EXOC6B: variants seen among roughly 807,000 people sequenced by gnomAD.
The protein encoded by EXOC6B is exocyst complex component 6B, also known as SEC15 homolog B.
Under a neutral mutation model 113.5 loss-of-function variants are expected in EXOC6B, and 54 were observed. The observed-to-expected ratio is 0.48, with a 90% CI of 0.38 to 0.60. The LOEUF (loss-of-function observed/expected upper bound fraction) is 0.60, where lower values mean the gene tolerates loss of function less well. Ranked by LOEUF, EXOC6B falls within the 20% of genes least tolerant of loss-of-function variation. The pLI, the probability that EXOC6B is intolerant of heterozygous loss-of-function variation, is 0.00. For missense variants in EXOC6B, 797 were observed against 977.5 expected (o/e 0.82, Z 2.46); for synonymous variants, 357 against 339.0 (o/e 1.05, Z -0.58).
chr2:72,390,609 T>C (rs1230799326), intron 18 of EXOC6B, among the ~76,000 whole-genome samples: 1 of 152,204 alleles, frequency 6.6e-6, no homozygotes, highest in African/African-American at 2.4e-5. Flanking sequence ...AGTTTACTGG[T>C]ATGCACTTTT....
At chr2:72,312,556 G>A (rs1171746038) in intron 20 of EXOC6B, among the ~76,000 whole-genome samples, 1 of 151,962 alleles carries the variant, frequency 6.6e-6, no homozygotes, top group African/African-American at 2.4e-5. Flanking sequence ...TATTGCTAGT[G>A]AGGATGATTA....
At chr2:72,408,173 T>C (rs186884736) in intron 18 of EXOC6B, among the ~76,000 whole-genome samples, 237 of 152,224 alleles carry the variant, frequency 1.6e-3, no homozygotes, top group African/African-American at 5.0e-3. Flanking sequence ...GTGAAGGACC[T>C]CTTCAAGGAG....
chr2:72,257,827 G>A (rs1683444016), intron 20 of EXOC6B, among the ~76,000 whole-genome samples: 1 of 152,170 alleles, frequency 6.6e-6, no homozygotes, highest in Admixed American at 6.5e-5. Context: ...GTACGAGGTT[G>A]ATGGGAGGGG....
intron 20 of EXOC6B, among the ~76,000 whole-genome samples, chr2:72,324,082 GCC>G (rs777065936): frequency 1.3e-5 from 2 of 151,646 alleles, no homozygotes; most frequent in Non-Finnish European, 2.9e-5. Flanking sequence ...ACCAGAAAGA[GCC>G]CCACAAAATA....
At chr2:72,658,286 TAAAAAAAAAAAAAAAAA>T (rs60572283) in intron 6 of EXOC6B, among the ~76,000 whole-genome samples, 1 of 58,726 alleles carries the variant, frequency 1.7e-5, no homozygotes, top group Non-Finnish European at 3.1e-5. Flanking sequence ...TAAAAACTAG[TAAAAAAAAAAAAAAAAA>T]AAAAAAAAGG....
At chr2:72,532,623 C>G (rs1702067069) in intron 8 of EXOC6B, among the ~76,000 whole-genome samples, 1 of 152,076 alleles carries the variant, frequency 6.6e-6, no homozygotes, top group Non-Finnish European at 1.5e-5. Flanking sequence ...GCCTGACCAA[C>G]ATGGGGAAAC....
intron 18 of EXOC6B, among the ~76,000 whole-genome samples, chr2:72,431,570 G>C (rs1480766015): frequency 6.6e-6 from 1 of 151,230 alleles, no homozygotes; most frequent in African/African-American, 2.4e-5. Context: ...GCCCAGACTG[G>C]TGTGGAATGC....
At chr2:72,543,681 T>C (rs1252479989) in intron 8 of EXOC6B, among the ~76,000 whole-genome samples, 1 of 152,204 alleles carries the variant, frequency 6.6e-6, no homozygotes, top group Non-Finnish European at 1.5e-5. Flanking sequence ...CATTAGCCCA[T>C]AGTGCAGGAA....
At position 72,391,190 on chromosome 2, in the gene EXOC6B, A is replaced by T. The variant is rs146089203; in HGVS notation, c.1981-11320T>A. Among the ~76,000 whole-genome samples the T allele has an allele frequency of 4.4e-4, 67 of 152,278 alleles. 1 individual carries two copies. Among genetic ancestry groups the T allele is most frequent in the Non-Finnish European group, 5.9e-5 (4 of 68,004 alleles). ...TCCCTGCTGTATGGTATTTAAAAAC[A>T]GTTGTTTCATTTATTTTGTACAGTA... On this transcript the variant is annotated intron_variant, in intron 18 of 21. Transcript: ENST00000272427.
At chr2:72,276,784 A>C (rs1215015248) in intron 20 of EXOC6B, among the ~76,000 whole-genome samples, 2 of 152,158 alleles carry the variant, frequency 1.3e-5, no homozygotes, top group Admixed American at 1.3e-4. Flanking sequence ...ATAAGTATAG[A>C]ATCCAATAAC....
At chr2:72,458,171 G>T (rs1308639713) in intron 18 of EXOC6B, among the ~76,000 whole-genome samples, 6 of 151,990 alleles carry the variant, frequency 3.9e-5, no homozygotes, top group Non-Finnish European at 8.8e-5. Flanking sequence ...CTTCTGTCAG[G>T]GAATTTCAAA....
intron 1 of EXOC6B, among the ~76,000 whole-genome samples, chr2:72,751,360 G>A (rs964955187): frequency 2.0e-5 from 3 of 152,106 alleles, no homozygotes; most frequent in Non-Finnish European, 4.4e-5. Flanking sequence ...TTGGCAACTG[G>A]CTGAAAGAGT....
intron 18 of EXOC6B, among the ~76,000 whole-genome samples, chr2:72,396,681 C>T (rs1408206587): frequency 1.3e-5 from 2 of 152,026 alleles, no homozygotes; most frequent in African/African-American, 4.8e-5. Context: ...TTTGCTACTC[C>T]TAGCCATTAT....
chr2:72,545,777 T>C (rs567227918), intron 8 of EXOC6B, among the ~76,000 whole-genome samples: 6 of 152,312 alleles, frequency 3.9e-5, no homozygotes, highest in African/African-American at 1.4e-4. Flanking sequence ...TTTGAGAATA[T>C]TAAAACTAAT....
At chr2:72,351,686 A>T (rs1341036330) in intron 19 of EXOC6B, among the ~76,000 whole-genome samples, 13 of 152,104 alleles carry the variant, frequency 8.5e-5, no homozygotes, top group Non-Finnish European at 1.5e-4. Flanking sequence ...CCTGTTTTTT[A>T]TCTGGCAACC....
At position 72,508,779 on chromosome 2, in the gene EXOC6B, G is replaced by C. The variant is rs941498912; in HGVS notation, c.1167+4353C>G. ...ACAGGCAAGACTCTGTCTCAAAAAA[G>C]TAAATAAATAAATAAAAATAAATAA... On this transcript the variant is annotated intron_variant, in intron 11 of 21. Coordinates refer to ENST00000272427, the MANE Select transcript of EXOC6B (RefSeq NM_015189.3). Among the ~76,000 whole-genome samples, 33 of 151,498 alleles carry C rather than the reference G, an allele frequency of 2.2e-4. 1 individual carries two copies. The highest frequency in any genetic ancestry group is 7.0e-4 in the African/African-American group (29 of 41,328).
chr2:72,369,273 A>C (rs1173557480), intron 19 of EXOC6B, among the ~76,000 whole-genome samples: 4 of 152,220 alleles, frequency 2.6e-5, no homozygotes, highest in Non-Finnish European at 4.4e-5. Flanking sequence ...TGCTTCAAAC[A>C]GAATAAAATA....
chr2:72,313,594 GA>G (rs1687338186), intron 20 of EXOC6B, among the ~76,000 whole-genome samples: 1 of 152,012 alleles, frequency 6.6e-6, no homozygotes, highest in South Asian at 2.1e-4. Context: ...GAGAAAGTAG[GA>G]AAAAAAGTTA....
rs539857850 is a variant in EXOC6B at position 72,367,120 on chromosome 2, G to A, written c.2122+12609C>T. Among the ~76,000 whole-genome samples the A allele has an allele frequency of 9.2e-5, 14 of 152,180 alleles. No homozygotes were observed. In the East Asian group the frequency reaches 1.7e-3, roughly 19 times the overall value. On this transcript the variant is annotated intron_variant, in intron 19 of 21. Transcript: ENST00000272427. ...TGTGGGGTTTATAGACTATGTAGAA[G>A]TAATATGTATAACAACAATAGCACA...
Sources: gnomAD v4.1 joint callset for allele counts (sites outside exome capture counted in the v4.1 genomes callset) on GRCh38, gnomAD v4.1.1 for gene constraint, MANE v1.5 for transcripts, NCBI Gene and HGNC (gene_info 2026-07-23, HGNC 2026-07-21) for gene names.